Variants in PDE8B observed in about 807,000 individuals in gnomAD.
The protein encoded by PDE8B is high affinity cAMP-specific and IBMX-insensitive 3',5'-cyclic phosphodiesterase 8B.
In PDE8B, 26 loss-of-function variants were observed where a neutral mutation model predicts 101.3. That is an observed-to-expected ratio of 0.26 (90% CI 0.19 to 0.36). The LOEUF (loss-of-function observed/expected upper bound fraction) is 0.36, where lower values mean the gene tolerates loss of function less well. Among genes scored for constraint, PDE8B ranks in the 10% least tolerant of loss-of-function variants. The pLI is 1.00. For synonymous variants in PDE8B, 424 were observed against 429.3 expected, an observed-to-expected ratio of 0.99 and a Z score of 0.15; for missense variants, 810 against 1,163.1, an observed-to-expected ratio of 0.70 and a Z score of 4.42.
intron 1 of PDE8B, among the ~76,000 whole-genome samples, chr5:77,254,860 A>G (rs1421490288): frequency 1.3e-5 from 2 of 152,158 alleles, no homozygotes; most frequent in African/African-American, 2.4e-5. Flanking sequence ...TCATTTGTGT[A>G]TGCTCTCTGT....
At chr5:77,281,689 G>A (rs547334182) in intron 1 of PDE8B, among the ~76,000 whole-genome samples, 3 of 152,158 alleles carry the variant, frequency 2.0e-5, no homozygotes, top group Non-Finnish European at 2.9e-5. Context: ...TCCACCTTAA[G>A]GTTCTTAACA....
chr5:77,378,049 C>CACACACACACACACACACACACACACAT (rs1554093056), intron 10 of PDE8B, among the ~76,000 whole-genome samples: 13 of 148,488 alleles, frequency 8.8e-5, no homozygotes, highest in African/African-American at 3.0e-4. Flanking sequence ...CACACACACA[C>CACACACACACACACACACACACACACAT]CCCCTGTTGG....
At chr5:77,416,963 G>A (rs1045743885) in intron 17 of PDE8B, among the ~76,000 whole-genome samples, 2 of 152,062 alleles carry the variant, frequency 1.3e-5, no homozygotes, top group East Asian at 1.9e-4. Flanking sequence ...CTTCAGGAAC[G>A]TCATGCAGGC....
Position 77,411,684 on chromosome 5 carries a change from G to C in PDE8B, c.1539G>C (p.Leu513Phe). ...CTCTTCCTTTATTCCAGGACGGCTT[G>C]AGAAGACTGTCAGGAAACGAGTATG... Reference protein sequence around the residue: ...DLVGGLMTDGLRRLSGNEYVF... With the variant: ...DLVGGLMTDGFRRLSGNEYVF... The change falls in exon 15 of 22, where the codon TTG becomes TTC. Residue 513 changes from leucine to phenylalanine, a missense_variant. By Grantham distance (22) the Leu-to-Phe change is conservative. Transcript: ENST00000264917. 6.2e-7 allele frequency: 1 copy of C among 1,611,456 alleles called. No individual in the cohort carries two copies. The highest frequency in any genetic ancestry group is 8.5e-7 in the Non-Finnish European group (1 of 1,177,672).
Position 77,404,726 on chromosome 5 carries a change from A to T in PDE8B, c.1217A>T (p.His406Leu). The change falls in exon 12 of 22, where the codon CAT becomes CTT. Residue 406 changes from histidine (H) to leucine (L), a missense_variant. By Grantham distance (99) the His-to-Leu change is moderately conservative. This residue lies in a region of PDE8B where 75 missense variants were observed against 76.9 expected (regional missense o/e 0.98). Transcript: ENST00000264917. Reference sequence around the variant, plus strand: ...TCTAATCTGAAATCCTTAGAGCCTCATTCATTCAGATATAAGAACAGGAGG... The same window carrying T: ...TCTAATCTGAAATCCTTAGAGCCTCTTTCATTCAGATATAAGAACAGGAGG... ...DSGDNSQTEP[H>L]SFRYKNRRKE... 6.3e-7 allele frequency: 1 copy of T among 1,585,796 alleles called. No homozygotes were observed. The highest frequency in any genetic ancestry group is 1.1e-5 in the South Asian group (1 of 90,506).
the PDE8B span, among the ~76,000 whole-genome samples, chr5:77,174,771 T>G: frequency 6.6e-6 from 1 of 152,074 alleles, no homozygotes; most frequent in African/African-American, 2.4e-5. Context: ...GATGGCACCC[T>G]CCTCCCCACC....
At chr5:77,117,965 C>G in the PDE8B span, among the ~76,000 whole-genome samples, 1 of 151,746 alleles carries the variant, frequency 6.6e-6, no homozygotes, top group Non-Finnish European at 1.5e-5. Flanking sequence ...GACGGAGTTT[C>G]GCTCTGTCCC....
chr5:77,304,942 G>A (rs948906408), intron 1 of PDE8B, among the ~76,000 whole-genome samples: 3 of 152,158 alleles, frequency 2.0e-5, no homozygotes, highest in Admixed American at 6.5e-5. Flanking sequence ...CAATGTCTGG[G>A]TCCAGGCATG....
At chr5:77,359,835 C>T (rs889819715) in intron 10 of PDE8B, among the ~76,000 whole-genome samples, 16 of 152,112 alleles carry the variant, frequency 1.1e-4, no homozygotes, top group East Asian at 9.6e-4. Context: ...CAGTGGTTCA[C>T]GCCTATAATC....
At position 77,413,299 on chromosome 5, in the gene PDE8B, A is replaced by G. The variant is rs755082810; in HGVS notation, c.1901A>G (p.Glu634Gly). The change falls in exon 17 of 22, where the codon GAA (glutamate) becomes GGA (glycine). Residue 634 changes from glutamate (E) to glycine (G), a missense_variant. Coordinates refer to ENST00000264917, the MANE Select transcript of PDE8B (RefSeq NM_003719.5). ...LHATAFFLGK[E>G]RVKGSLDQLD... ...GCCACCGCTTTCTTTCTTGGAAAGG[A>G]AAGAGTAAAGGTAGGATTTTGATAT... 3 of 1,613,576 alleles carry G rather than the reference A, an allele frequency of 1.9e-6. No homozygotes were observed. Among genetic ancestry groups the G allele is most frequent in the Non-Finnish European group, 2.5e-6 (3 of 1,179,590 alleles).
At chr5:77,408,197 G>A (rs1429229137) in intron 13 of PDE8B, among the ~76,000 whole-genome samples, 1 of 152,210 alleles carries the variant, frequency 6.6e-6, no homozygotes, top group Non-Finnish European at 1.5e-5. Flanking sequence ...ATAGGACTTG[G>A]TGATGAATTA....
At chr5:77,386,575 T>G (rs1382763454) in intron 10 of PDE8B, among the ~76,000 whole-genome samples, 1 of 152,226 alleles carries the variant, frequency 6.6e-6, no homozygotes, top group South Asian at 2.1e-4. Context: ...TTAAAGTCTG[T>G]TTTATCAGAG....
chr5:77,097,738 C>CTATATATATATATCTAT, the PDE8B span, among the ~76,000 whole-genome samples: 2 of 58,448 alleles, frequency 3.4e-5, no homozygotes, highest in African/African-American at 1.2e-4. Context: ...TATATACATA[C>CTATATATATATATCTAT]ATATGACCAG....
chr5:77,349,703 C>T, intron 8 of PDE8B, 144 bp downstream of exon 8: 1 of 947,788 alleles, frequency 1.1e-6, no homozygotes, highest in South Asian at 1.4e-5. Context: ...AAAATGAGTT[C>T]GTTTTTAAGT....
At chr5:77,395,973 G>A (rs1479659544) in intron 10 of PDE8B, among the ~76,000 whole-genome samples, 1 of 152,224 alleles carries the variant, frequency 6.6e-6, no homozygotes, top group Non-Finnish European at 1.5e-5. Context: ...GTTCCCTCAG[G>A]AATAACCTCC....
chr5:77,335,278 C>A (rs1777923686), intron 5 of PDE8B, among the ~76,000 whole-genome samples: 1 of 152,108 alleles, frequency 6.6e-6, no homozygotes, highest in Non-Finnish European at 1.5e-5. Context: ...GCTAACAACT[C>A]CCTGAGTTCT....
chr5:77,315,851 T>C (rs1773671164), intron 2 of PDE8B, among the ~76,000 whole-genome samples: 1 of 152,238 alleles, frequency 6.6e-6, no homozygotes, highest in South Asian at 2.1e-4. Flanking sequence ...GTTGGTAATA[T>C]TGCCAGGCCA....
chr5:77,099,619 T>G, the PDE8B span, among the ~76,000 whole-genome samples: 1 of 150,144 alleles, frequency 6.7e-6, no homozygotes, highest in Non-Finnish European at 1.5e-5. Context: ...TCTTTTTTTT[T>G]TTTTCTTTGT....
chr5:77,165,985 A>G, the PDE8B span, among the ~76,000 whole-genome samples: 1 of 133,498 alleles, frequency 7.5e-6, no homozygotes, highest in Admixed American at 7.2e-5. Flanking sequence ...CAAAAAAAAA[A>G]AAAAAAGAAA....
Sources: gnomAD v4.1 joint callset for allele counts (sites outside exome capture counted in the v4.1 genomes callset) on GRCh38, gnomAD v4.1.1 for gene constraint, gnomAD v4.1.1 regional missense constraint, MANE v1.5 for transcripts, NCBI Gene and HGNC (gene_info 2026-07-23, HGNC 2026-07-21) for gene names.